GLIS3: variants seen among roughly 807,000 people sequenced by gnomAD.
The protein encoded by GLIS3 is GLIS family zinc finger 3.
GLIS3 carries 53 observed loss-of-function variants against 78.6 expected under a neutral mutation model. The ratio of observed to expected loss-of-function variants is 0.67; its 90% CI spans 0.54 to 0.85. The LOEUF (loss-of-function observed/expected upper bound fraction) is 0.85. Ranked by LOEUF, GLIS3 falls within the 40% of genes least tolerant of loss-of-function variation. The pLI is 0.00. For synonymous variants in GLIS3, 684 were observed against 509.9 expected (o/e 1.34, Z -4.60); for missense variants, 1,703 against 1,231.1 (o/e 1.38, Z -5.74).
chr9:3,890,299 A>C (rs1822345013), intron 7 of GLIS3, among the ~76,000 whole-genome samples: 1 of 152,204 alleles, frequency 6.6e-6, no homozygotes, highest in South Asian at 2.1e-4. Flanking sequence ...TTTGCAGATC[A>C]GAAAATGGGC....
At chr9:4,248,258 G>A (rs1342699017) in intron 2 of GLIS3, among the ~76,000 whole-genome samples, 2 of 151,808 alleles carry the variant, frequency 1.3e-5, no homozygotes, top group East Asian at 3.9e-4. Context: ...CCCCCAACAG[G>A]CTCCAGTGTG....
intron 9 of GLIS3, among the ~76,000 whole-genome samples, chr9:3,834,404 CA>C (rs1202539624): frequency 6.6e-6 from 1 of 152,210 alleles, no homozygotes; most frequent in Non-Finnish European, 1.5e-5. Context: ...CTGTCCAATA[CA>C]GTAGCTACAT....
At chr9:4,292,588 G>C (rs561137711) in intron 1 of GLIS3, among the ~76,000 whole-genome samples, 1 of 152,252 alleles carries the variant, frequency 6.6e-6, no homozygotes, top group South Asian at 2.1e-4. Flanking sequence ...TTTATAAAAC[G>C]TAAGGATTCA....
At chr9:4,398,761 C>T in the GLIS3 span, among the ~76,000 whole-genome samples, 1 of 152,190 alleles carries the variant, frequency 6.6e-6, no homozygotes, top group Admixed American at 6.5e-5. Flanking sequence ...GATCTTGGCT[C>T]ACTGCAACCT....
intron 2 of GLIS3, among the ~76,000 whole-genome samples, chr9:4,217,029 T>C (rs1013064840): frequency 6.6e-6 from 1 of 152,230 alleles, no homozygotes; most frequent in Non-Finnish European, 1.5e-5. Context: ...TGTGGTTCTG[T>C]AAAATCCAAG....
At chr9:4,356,941 T>A in the GLIS3 span, among the ~76,000 whole-genome samples, 1 of 152,238 alleles carries the variant, frequency 6.6e-6, no homozygotes, top group Non-Finnish European at 1.5e-5. Flanking sequence ...TTTTAATAAG[T>A]GTTTCAAAAG....
intron 2 of GLIS3, among the ~76,000 whole-genome samples, chr9:4,221,160 A>C (rs1348154025): frequency 6.6e-6 from 1 of 152,214 alleles, no homozygotes; most frequent in Non-Finnish European, 1.5e-5. Context: ...TCAGCAAAGA[A>C]ACGTACATAC....
chr9:4,388,814 T>A, the GLIS3 span, among the ~76,000 whole-genome samples: 1 of 152,066 alleles, frequency 6.6e-6, no homozygotes, highest in Non-Finnish European at 1.5e-5. Flanking sequence ...GGAAAAGTAT[T>A]TGAATTAATA....
chr9:3,869,266 G>GGTATGT, intron 8 of GLIS3, among the ~76,000 whole-genome samples: 1 of 151,262 alleles, frequency 6.6e-6, no homozygotes, highest in Admixed American at 6.6e-5. Context: ...AATTATCTAG[G>GGTATGT]GTGTGTGTGT....
At chr9:4,087,249 T>C (rs1015827807) in intron 4 of GLIS3, among the ~76,000 whole-genome samples, 5 of 152,154 alleles carry the variant, frequency 3.3e-5, no homozygotes, top group African/African-American at 1.2e-4. Flanking sequence ...GTATCAGCTG[T>C]TTTTTCATCC....
intron 2 of GLIS3, among the ~76,000 whole-genome samples, chr9:4,126,858 G>A (rs894449662): frequency 1.3e-5 from 2 of 152,008 alleles, no homozygotes; most frequent in South Asian, 2.1e-4. Flanking sequence ...AAATATATAC[G>A]ATCTCAATCT....
chr9:3,882,003 CTACT>C (rs1229759791), intron 7 of GLIS3, among the ~76,000 whole-genome samples: 1 of 152,196 alleles, frequency 6.6e-6, no homozygotes, highest in Non-Finnish European at 1.5e-5. Context: ...CTACCTTTTT[CTACT>C]TACTTCATTA....
At chr9:4,300,668 C>A (rs1208685840), upstream of GLIS3, among the ~76,000 whole-genome samples, 1 of 151,924 alleles carries the variant, frequency 6.6e-6, no homozygotes, top group Non-Finnish European at 1.5e-5. Flanking sequence ...TATAAAGTGG[C>A]ACTTTATCCT....
At chr9:4,333,146 C>A (rs1817709179) in intron 2 of GLIS3, among the ~76,000 whole-genome samples, 1 of 152,022 alleles carries the variant, frequency 6.6e-6, no homozygotes, top group Admixed American at 6.6e-5. Context: ...ACTCAGAAGG[C>A]TGAAGCAGGA....
At chr9:4,059,804 T>G (rs922862653) in intron 4 of GLIS3, among the ~76,000 whole-genome samples, 8 of 107,710 alleles carry the variant, frequency 7.4e-5, no homozygotes, top group East Asian at 6.1e-4. Context: ...TCAGCTTTAT[T>G]TGTGTGTGTG....
chr9:4,153,851 A>G (rs921356758), intron 2 of GLIS3, among the ~76,000 whole-genome samples: 1 of 152,298 alleles, frequency 6.6e-6, no homozygotes, highest in South Asian at 2.1e-4. Flanking sequence ...TTAAAACAAC[A>G]ATTTATTATT....
chr9:3,853,265 A>G (rs921380978), intron 9 of GLIS3, among the ~76,000 whole-genome samples: 7 of 152,222 alleles, frequency 4.6e-5, no homozygotes, highest in Non-Finnish European at 1.0e-4. Flanking sequence ...CAAGTTGACA[A>G]TACATTCATT....
At chr9:4,448,401 A>G in the GLIS3 span, among the ~76,000 whole-genome samples, 1 of 152,224 alleles carries the variant, frequency 6.6e-6, no homozygotes, top group Non-Finnish European at 1.5e-5. Flanking sequence ...AAGTGTCTCA[A>G]CAGCTCCAGT....
At chr9:4,272,085 C>G (rs1035532954) in intron 2 of GLIS3, among the ~76,000 whole-genome samples, 6 of 152,260 alleles carry the variant, frequency 3.9e-5, no homozygotes, top group African/African-American at 1.4e-4. Flanking sequence ...AGTGCAATGG[C>G]CGACCCAGAG....
Sources: gnomAD v4.1 joint callset for allele counts (sites outside exome capture counted in the v4.1 genomes callset) on GRCh38, gnomAD v4.1.1 for gene constraint, MANE v1.5 for transcripts, NCBI Gene and HGNC (gene_info 2026-07-23, HGNC 2026-07-21) for gene names.